Variants in ZNF587 observed in about 807,000 individuals in gnomAD.
ZNF587 encodes the protein zinc finger protein 587.
Under a neutral mutation model 7.5 loss-of-function variants are expected in ZNF587, and 8 were observed. That is an observed-to-expected ratio of 1.06 (90% confidence interval 0.62 to 1.92). ZNF587 has a LOEUF of 1.92. ZNF587 is among the 40% of genes most tolerant of loss of function. The probability of loss-of-function intolerance (pLI) is 0.00; values close to 1 mark genes in which losing one functional copy is unlikely to be tolerated. For missense variants in ZNF587, 468 were observed against 692.8 expected (o/e 0.68, Z 3.64); for synonymous variants, 145 against 237.8 (o/e 0.61, Z 3.59).
chr19:57,860,160 T>C lies in ZNF587; in HGVS notation c.*20T>C. ...TTATGAGTGCAGTGAATATGGGAAA[T>C]CGTTTGCTGAAGCATCCCGTCTCGT... On this transcript the variant is annotated 3_prime_UTR_variant, in exon 3 of 3. Transcript: ENST00000339656. 1.2e-6 allele frequency: 2 copies of C among 1,614,078 alleles called. No individual in the cohort carries two copies. The highest frequency in any genetic ancestry group is 2.2e-5 in the South Asian group (2 of 91,066).
chr19:57,862,599 T>A lies in ZNF587; in HGVS notation c.*2459T>A, dbSNP rs540746202. On this transcript the variant is annotated 3_prime_UTR_variant, in exon 3 of 3. Transcript: ENST00000339656. The stretch of plus-strand genomic sequence containing the variant: ...AGATTATGGAATCCAGAATCTTTTT[T>A]CAGGGGTCACATGCCCATTTCCCCA... 6.5e-6 allele frequency: 1 copy of A among 154,974 alleles called. No homozygotes were observed. The highest frequency in any genetic ancestry group is 6.5e-5 in the Admixed American group (1 of 15,302). The allele number at this position is 154,974 out of a possible 1,614,324, so 9.6% of individuals were successfully genotyped here.
rs190978295 is a variant in ZNF587 at position 57,862,082 on chromosome 19, G to C, written c.*1942G>C. ...AGCCACTGTACCTGGCTGAATACTTGGTTTTCAGTACCACAAGAACTATGA... is the reference window on the plus strand; with the variant it reads ...AGCCACTGTACCTGGCTGAATACTTCGTTTTCAGTACCACAAGAACTATGA... On this transcript the variant is annotated 3_prime_UTR_variant, in exon 3 of 3. Transcript: ENST00000339656. The C allele has an allele frequency of 6.6e-6, 1 of 151,962 alleles. No individual in the cohort carries two copies. The highest frequency in any genetic ancestry group is 1.5e-5 in the Non-Finnish European group (1 of 67,974). 9.4% of individuals were successfully genotyped at this position (151,962 alleles called of 1,614,324 possible).
intron 1 of ZNF587, 138 bp from the exon 2 acceptor site, chr19:57,855,965 CA>C: frequency 6.9e-7 from 1 of 1,452,514 alleles, no homozygotes; most frequent in Non-Finnish European, 9.3e-7. Flanking sequence ...CATGAAGAGA[CA>C]AAGGCACCAG....
intron 1 of ZNF587, chr19:57,854,252 G>C (rs2071321457): frequency 2.6e-5 from 4 of 152,048 alleles, no homozygotes; most frequent in Non-Finnish European, 4.4e-5. Context: ...CTACAGCTGA[G>C]GTCTCAGCTG....
rs1436723886 is a variant in ZNF587, at chr19:57,864,569, G to A, written c.*4429G>A. 1.3e-5 allele frequency: 2 copies of A among 151,996 alleles called. No homozygotes were observed. The highest frequency in any genetic ancestry group is 1.3e-4 in the Admixed American group (2 of 15,236). 9.4% of individuals were successfully genotyped at this position (151,996 alleles called of 1,614,324 possible). On this transcript the variant is annotated 3_prime_UTR_variant, in exon 3 of 3. Transcript: ENST00000339656. ...AGTCTCAGCCCCTAAATGTCACCTT[G>A]TATTACAGCATGTTATATAAGCACA... is the stretch of plus-strand genomic sequence containing the variant.
chr19:57,857,948 T>C (rs2071384540), intron 2 of ZNF587, among the ~76,000 whole-genome samples: 1 of 151,628 alleles, frequency 6.6e-6, no homozygotes, highest in Non-Finnish European at 1.5e-5. Context: ...TATTCTTCTA[T>C]ATAGCACTCA....
At position 57,850,067 on chromosome 19, in the gene ZNF587, C is replaced by G. The variant is rs1165589370; in HGVS notation, c.29C>G (p.Thr10Ser). 3 of 1,614,266 alleles carry G rather than the reference C, an allele frequency of 1.9e-6. No individual in the cohort carries two copies. Among genetic ancestry groups the G allele is most frequent in the Admixed American group, 1.7e-5 (1 of 60,032 alleles). Residue 10 changes from threonine to serine, a missense_variant, in exon 1 of 3, where the codon ACT (threonine) becomes AGT (serine). Thr to Ser is a moderately conservative substitution (Grantham distance 58). This residue lies in a region of ZNF587 where 92 missense variants were observed against 89.7 expected (regional missense o/e 1.03). Transcript: ENST00000339656. MAAAVPRRPTQQGTVTFEDV... is the reference protein window; with the variant it reads MAAAVPRRPSQQGTVTFEDV... The stretch of plus-strand genomic sequence containing the variant: ...GCAGCGGCTGTGCCGAGGCGCCCAA[C>G]TCAGGTAATTGTGGTGCCTTCTGTG...
rs2071425052 is a variant in ZNF587, at chr19:57,860,879, ACAGAGTCTCACTCTGTC to A, written c.*740_*756del. The A allele has an allele frequency of 6.6e-6, 1 of 152,128 alleles. No homozygotes were observed. The highest frequency in any genetic ancestry group is 1.5e-5 in the Non-Finnish European group (1 of 68,050). The allele number at this position is 152,128 out of a possible 1,614,324, so 9.4% of individuals were successfully genotyped here. A position where few individuals can be genotyped will look rare whatever the true frequency, so the allele number is the denominator to read the frequency against. ...GATTAAAGTACAACTCTTTTTTGAGACAGAGTCTCACTCTGTCACCCAGGCGGGAGTTAGGTGGCATG... is the reference window on the plus strand; with the variant it reads ...GATTAAAGTACAACTCTTTTTTGAGAACCCAGGCGGGAGTTAGGTGGCATG... On this transcript the variant is annotated 3_prime_UTR_variant, in exon 3 of 3. Coordinates refer to ENST00000339656, the MANE Select transcript of ZNF587 (RefSeq NM_032828.4).
In ZNF587 at chr19:57,862,553, C is replaced by T. The variant is rs747398864; in HGVS notation, c.*2413C>T. On this transcript the variant is annotated 3_prime_UTR_variant, in exon 3 of 3. Coordinates refer to ENST00000339656, the MANE Select transcript of ZNF587 (RefSeq NM_032828.4). ...GTCATTGCACTTTCTGCTGAAATGG[C>T]AGTTTCTTCTCAGCAAGGTGAGATT... 5.2e-5 allele frequency: 8 copies of T among 154,780 alleles called. No individual in the cohort carries two copies. The Middle Eastern group carries it at 3.1e-3, about 60-fold the overall frequency. The allele number at this position is 154,780 out of a possible 1,614,324, so 9.6% of individuals were successfully genotyped here. A position where few individuals can be genotyped will look rare whatever the true frequency, so the allele number is the denominator to read the frequency against.
chr19:57,860,070 GTGGAAAAACA>G lies in ZNF587; in HGVS notation c.1660_1669del (p.Gly554PhefsTer64). On this transcript the variant is annotated frameshift_variant, in exon 3 of 3. Coordinates refer to ENST00000339656, the MANE Select transcript of ZNF587 (RefSeq NM_032828.4). LOFTEE classifies it low-confidence loss of function (END_TRUNC). Reference sequence around the variant, plus strand: ...GAAAGGCCTTATGAATGCACCAAATGTGGAAAAACATTTCAGCGAAGCTCTACCCTCCTTC... The same window carrying G: ...GAAAGGCCTTATGAATGCACCAAATGTTTCAGCGAAGCTCTACCCTCCTTC... The G allele has an allele frequency of 6.2e-7, 1 of 1,613,520 alleles. No individual in the cohort carries two copies. The highest frequency in any genetic ancestry group is 8.5e-7 in the Non-Finnish European group (1 of 1,179,456).
In ZNF587 at chr19:57,860,512, A is replaced by C; in HGVS notation, c.*372A>C. On this transcript the variant is annotated 3_prime_UTR_variant, in exon 3 of 3. Coordinates refer to ENST00000339656, the MANE Select transcript of ZNF587 (RefSeq NM_032828.4). ...TCAAACTCCTGACCTCAAGTGATCC[A>C]CCCACCTTGACTCCCAAAGTGCTGA... The C allele has an allele frequency of 3.6e-6, 1 of 276,700 alleles. No homozygotes were observed. The highest frequency in any genetic ancestry group is 7.0e-6 in the Non-Finnish European group (1 of 143,632). 17.1% of individuals were successfully genotyped at this position (276,700 alleles called of 1,614,324 possible).
chr19:57,862,950 G>C lies in ZNF587; in HGVS notation c.*2810G>C, dbSNP rs2071454826. The C allele has an allele frequency of 6.5e-6, 1 of 154,808 alleles. No homozygotes were observed. The highest frequency in any genetic ancestry group is 1.5e-5 in the Non-Finnish European group (1 of 68,240). The allele number at this position is 154,808 out of a possible 1,614,324, so 9.6% of individuals were successfully genotyped here. A position where few individuals can be genotyped will look rare whatever the true frequency, so the allele number is the denominator to read the frequency against. ...GAAGACAGTTTCAAGCAAAGTTATTGAGTGGACACTTTGTGTTTTTTTTGA... is the reference window on the plus strand; with the variant it reads ...GAAGACAGTTTCAAGCAAAGTTATTCAGTGGACACTTTGTGTTTTTTTTGA... On this transcript the variant is annotated 3_prime_UTR_variant, in exon 3 of 3. Transcript: ENST00000339656.
In ZNF587 at chr19:57,858,406, T is replaced by C. The variant is rs532760331; in HGVS notation, c.164-170T>C. 1.4e-4 allele frequency: 186 copies of C among 1,367,594 alleles called. 2 individuals are homozygous for C. Among genetic ancestry groups the C allele is most frequent in the East Asian group, 1.2e-3 (49 of 39,538 alleles). 84.7% of individuals were successfully genotyped at this position (1,367,594 alleles called of 1,614,324 possible). A position where few individuals can be genotyped will look rare whatever the true frequency, so the allele number is the denominator to read the frequency against. On this transcript the variant is annotated intron_variant, in intron 2 of 2. Transcript: ENST00000339656. ...CCTCCCAAAGTGCTGGGATTACAGG[T>C]GTGAGCCACCATGCCCAGCCAGCAG...
At position 57,849,874 on chromosome 19, in the gene ZNF587, T is replaced by A; in HGVS notation, c.-165T>A. On this transcript the variant is annotated 5_prime_UTR_variant, in exon 1 of 3. Coordinates refer to ENST00000339656, the MANE Select transcript of ZNF587 (RefSeq NM_032828.4). Reference sequence around the variant, plus strand: ...CGGGGTCTCTAGTAGCGGCTGTGTATCGGCGATGCGGGTGTTTCCCCAGTT... The same window carrying A: ...CGGGGTCTCTAGTAGCGGCTGTGTAACGGCGATGCGGGTGTTTCCCCAGTT... 1 of 1,497,974 alleles carries A rather than the reference T, an allele frequency of 6.7e-7. No homozygotes were observed. 92.8% of individuals were successfully genotyped at this position (1,497,974 alleles called of 1,614,324 possible).
intron 2 of ZNF587, 71 bp from the exon 3 acceptor site, chr19:57,858,505 C>T (rs961240509): frequency 1.7e-5 from 26 of 1,533,580 alleles, no homozygotes; most frequent in Middle Eastern, 3.5e-4. Flanking sequence ...ATTTGTGAGA[C>T]GTACTTGTGG....
At chr19:57,853,412 C>T (rs769460376) in intron 1 of ZNF587, among the ~76,000 whole-genome samples, 8 of 152,114 alleles carry the variant, frequency 5.3e-5, no homozygotes, top group Non-Finnish European at 1.2e-4. Flanking sequence ...CTGGAGACAT[C>T]CAATATATGA....
In ZNF587 at chr19:57,864,935, CAAA is replaced by C. The variant is rs1201320889; in HGVS notation, c.*4800_*4802del. ...GAGTGAGATCCTGCCTCAAAAAAAA[CAAA>C]AAAATTCTTTATTTTCTCCATAAAC... On this transcript the variant is annotated 3_prime_UTR_variant, in exon 3 of 3. Transcript: ENST00000339656. The C allele has an allele frequency of 6.6e-6, 1 of 151,904 alleles. No individual in the cohort carries two copies. The highest frequency in any genetic ancestry group is 1.5e-5 in the Non-Finnish European group (1 of 67,934). 9.4% of individuals were successfully genotyped at this position (151,904 alleles called of 1,614,324 possible).
intron 1 of ZNF587, among the ~76,000 whole-genome samples, chr19:57,852,680 A>G (rs1402618814): frequency 1.3e-5 from 2 of 151,858 alleles, no homozygotes; most frequent in Non-Finnish European, 1.5e-5. Flanking sequence ...GGCACCCACC[A>G]TCATGCCCAG....
rs1300034560 is a variant in ZNF587 at position 57,859,948 on chromosome 19, A to C, written c.1536A>C (p.Arg512Ser). Reference sequence around the variant, plus strand: ...GCTCTGCGCTTCATGTTCATAAAAGAGTTCATTCTGGACAAAAGCCTTATA... The same window carrying C: ...GCTCTGCGCTTCATGTTCATAAAAGCGTTCATTCTGGACAAAAGCCTTATA... ...LSSSALHVHK[R>S]VHSGQKPYKC... The change falls in exon 3 of 3, where the codon AGA (arginine) becomes AGC (serine). Residue 512 changes from arginine (R) to serine (S), a missense_variant. Coordinates refer to ENST00000339656, the MANE Select transcript of ZNF587 (RefSeq NM_032828.4). 6.2e-7 allele frequency: 1 copy of C among 1,614,114 alleles called. No homozygotes were observed. The highest frequency in any genetic ancestry group is 8.5e-7 in the Non-Finnish European group (1 of 1,180,008).
Sources: allele counts gnomAD v4.1 joint callset (sites outside exome capture counted in the v4.1 genomes callset), GRCh38; gene constraint gnomAD v4.1.1; regional missense constraint gnomAD v4.1.1; transcripts MANE v1.5; gene names NCBI Gene and HGNC (gene_info 2026-07-23, HGNC 2026-07-21).